OR51I2: variants seen among roughly 807,000 people sequenced by gnomAD.
OR51I2 encodes the protein olfactory receptor family 51 subfamily I member 2, also known as olfactory receptor 51I2.
In OR51I2, 6 loss-of-function variants were observed where a neutral mutation model predicts 9.3. That is an observed-to-expected ratio of 0.64 (90% CI 0.35 to 1.27). The LOEUF (loss-of-function observed/expected upper bound fraction) is 1.27, where lower values mean the gene tolerates loss of function less well. Ranked by LOEUF, OR51I2 falls within the 50% of genes most tolerant of loss-of-function variation. The pLI, the probability that OR51I2 is intolerant of heterozygous loss-of-function variation, is 0.03. For missense variants in OR51I2, 489 were observed against 396.4 expected (o/e 1.23, Z -1.98); for synonymous variants, 179 against 143.1 (o/e 1.25, Z -1.79).
intron 1 of OR51I2, among the ~76,000 whole-genome samples, chr11:5,450,803 A>T (rs1182834474): frequency 3.3e-5 from 5 of 152,190 alleles, no homozygotes; most frequent in Admixed American, 1.3e-4. Flanking sequence ...CCCGCTTATG[A>T]GTGAGAGCAT....
chr11:5,455,557 G>A lies in OR51I2; in HGVS notation c.*1130G>A, dbSNP rs926650026. 20 of 33,678 alleles carry A rather than the reference G, an allele frequency of 5.9e-4. No individual in the cohort carries two copies. Among genetic ancestry groups the A allele is most frequent in the Admixed American group, 3.3e-3 (10 of 3,030 alleles). The allele number at this position is 33,678 out of a possible 1,614,324, so 2.1% of individuals were successfully genotyped here. ...AGAGAGCGAGGGATTGGGGGAGAAA[G>A]AAGGGGGGAGAGAGAGAGAGAAAGA... is the stretch of plus-strand genomic sequence containing the variant. On this transcript the variant is annotated 3_prime_UTR_variant, in exon 2 of 2. Coordinates refer to ENST00000641930, the MANE Select transcript of OR51I2 (RefSeq NM_001004754.3).
Position 5,453,802 on chromosome 11 carries a change from ACTT to A in OR51I2, c.320_322del (p.Phe107del), listed in dbSNP as rs1454142702. On this transcript the variant is annotated inframe_deletion, in exon 2 of 2. Transcript: ENST00000641930. ...TGTCTAATTCAGATGTTTCTTATTC[ACTT>A]CTTCTCCATGATGGAATCAGGTATT... The A allele has an allele frequency of 1.2e-6, 2 of 1,613,914 alleles. No individual in the cohort carries two copies. Among genetic ancestry groups the A allele is most frequent in the Middle Eastern group, 1.6e-4 (1 of 6,084 alleles).
In OR51I2 at chr11:5,454,390, G is replaced by C. The variant is rs144988492; in HGVS notation, c.902G>C (p.Arg301Pro). The change falls in exon 2 of 2, where the codon CGA becomes CCA. Residue 301 changes from arginine to proline, a missense_variant. Physicochemically the swap from Arg to Pro is moderately radical, Grantham distance 103 (BLOSUM62 -2). Coordinates refer to ENST00000641930, the MANE Select transcript of OR51I2 (RefSeq NM_001004754.3). Reference sequence around the variant, plus strand: ...AGCGCCAAGACAAAGGAAATCCGCCGAGCCATTTTCCGCATGTTTCACCAC... The same window carrying C: ...AGCGCCAAGACAAAGGAAATCCGCCCAGCCATTTTCCGCATGTTTCACCAC... Reference protein sequence around the residue: ...IYSAKTKEIRRAIFRMFHHIK... With the variant: ...IYSAKTKEIRPAIFRMFHHIK... The C allele has an allele frequency of 6.2e-7, 1 of 1,610,112 alleles. No individual in the cohort carries two copies.
At chr11:5,451,077 G>A (rs139594800) in intron 1 of OR51I2, among the ~76,000 whole-genome samples, 139 of 152,302 alleles carry the variant, frequency 9.1e-4, no homozygotes, top group African/African-American at 3.1e-3. Flanking sequence ...GAAAATAAAT[G>A]TAAAGTTCCT....
Position 5,454,415 on chromosome 11 carries a change from C to T in OR51I2, c.927C>T (p.His309=), listed in dbSNP as rs1365812731. ...IRRAIFRMFH[H]IKI is the part of the protein sequence containing the mutation. The stretch of plus-strand genomic sequence containing the variant: ...GAGCCATTTTCCGCATGTTTCACCA[C>T]ATCAAAATATGACTTTCACACTTGG... The change falls in exon 2 of 2, where the codon CAC becomes CAT. Residue 309 remains histidine (H), a synonymous_variant. Transcript: ENST00000641930. 19 of 1,605,224 alleles carry T rather than the reference C, an allele frequency of 1.2e-5. No homozygotes were observed. Among genetic ancestry groups the T allele is most frequent in the Non-Finnish European group, 1.4e-5 (17 of 1,178,404 alleles).
At chr11:5,453,207 C>T (rs1282780893) in intron 1 of OR51I2, 52 bp from the exon 2 acceptor site, 1 of 265,782 alleles carries the variant, frequency 3.8e-6, no homozygotes, top group Non-Finnish European at 7.0e-6. Context: ...TTCCTTTTAA[C>T]TAATTTCTAT....
At position 5,455,568 on chromosome 11, in the gene OR51I2, A is replaced by AGAGAGAGAGAGAGAAAGAGAGAG. The variant is rs531763892; in HGVS notation, c.*1151_*1152insGAGAAAGAGAGAGGAGAGAGAGA. The AGAGAGAGAGAGAGAAAGAGAGAG allele has an allele frequency of 7.4e-6, 1 of 135,318 alleles. No individual in the cohort carries two copies. Among genetic ancestry groups the AGAGAGAGAGAGAGAAAGAGAGAG allele is most frequent in the African/African-American group, 2.8e-5 (1 of 35,542 alleles). The allele number at this position is 135,318 out of a possible 1,614,324, so 8.4% of individuals were successfully genotyped here. ...GATTGGGGGAGAAAGAAGGGGGGAG[A>AGAGAGAGAGAGAGAAAGAGAGAG]GAGAGAGAGAAAGAGAAAGAGAGAA... is the stretch of plus-strand genomic sequence containing the variant. On this transcript the variant is annotated 3_prime_UTR_variant, in exon 2 of 2. Transcript: ENST00000641930.
intron 1 of OR51I2, among the ~76,000 whole-genome samples, chr11:5,452,157 T>A (rs12288187): frequency 0.12 from 18,608 of 152,110 alleles, 1,480 homozygotes; most frequent in Admixed American, 0.18. Context: ...ATCCTGCATA[T>A]ATGTCAGTGC....
rs768307813 is a variant in OR51I2, at chr11:5,453,529, T to C, written c.41T>C (p.Leu14Pro). 1.3e-6 allele frequency: 2 copies of C among 1,590,614 alleles called. No individual in the cohort carries two copies. Among genetic ancestry groups the C allele is most frequent in the Non-Finnish European group, 1.7e-6 (2 of 1,170,300 alleles). ...FNVTHPAFFL[L>P]TGIPGLESSH... ...GTCACTCACCCTGCATTCTTCCTCC[T>C]GACTGGTATCCCTGGTCTGGAGAGC... Residue 14 changes from leucine (L) to proline (P), a missense_variant, in exon 2 of 2, where the codon CTG (leucine) becomes CCG (proline). Coordinates refer to ENST00000641930, the MANE Select transcript of OR51I2 (RefSeq NM_001004754.3).
chr11:5,452,290 G>A (rs1240440927), intron 1 of OR51I2, among the ~76,000 whole-genome samples: 2 of 151,906 alleles, frequency 1.3e-5, no homozygotes, highest in Non-Finnish European at 2.9e-5. Context: ...GGATCACGAG[G>A]TCAGGAGATC....
In OR51I2 at chr11:5,454,101, T is replaced by C. The variant is rs190734418; in HGVS notation, c.613T>C (p.Ser205Pro). 94 of 1,614,230 alleles carry C rather than the reference T, an allele frequency of 5.8e-5. No homozygotes were observed. The Admixed American group carries it at 8.3e-4, about 14-fold the overall frequency. Residue 205 changes from serine (S) to proline (P), a missense_variant, in exon 2 of 2, where the codon TCC becomes CCC. Physicochemically the swap from Ser to Pro is moderately conservative, Grantham distance 74. Coordinates refer to ENST00000641930, the MANE Select transcript of OR51I2 (RefSeq NM_001004754.3). Reference sequence around the variant, plus strand: ...CATCTATGGACTCTTTGTTCTTGTATCCACCTTTGGCATGGACCTGTTTTT... The same window carrying C: ...CATCTATGGACTCTTTGTTCTTGTACCCACCTTTGGCATGGACCTGTTTTT... ...NSIYGLFVLV[S>P]TFGMDLFFIF...
At chr11:5,453,150 C>T (rs2030091) in intron 1 of OR51I2, 109 bp from the exon 2 acceptor site, 1 of 179,016 alleles carries the variant, frequency 5.6e-6, no homozygotes, top group Non-Finnish European at 1.2e-5. Flanking sequence ...TCTATTGAAT[C>T]ATGCCTCCAA....
chr11:5,453,514 C>G lies in OR51I2; in HGVS notation c.26C>G (p.Pro9Arg), dbSNP rs779879912. MGLFNVTH[P>R]AFFLLTGIPG... is the part of the protein sequence containing the mutation. ...ATGGGGTTGTTCAATGTCACTCACC[C>G]TGCATTCTTCCTCCTGACTGGTATC... The change falls in exon 2 of 2, where the codon CCT (proline) becomes CGT (arginine). Residue 9 changes from proline to arginine, a missense_variant. Pro to Arg is a moderately radical substitution (Grantham distance 103). Transcript: ENST00000641930. 1.3e-6 allele frequency: 2 copies of G among 1,573,620 alleles called. No homozygotes were observed. The highest frequency in any genetic ancestry group is 3.8e-5 in the Admixed American group (2 of 53,240).
chr11:5,453,908 C>G lies in OR51I2; in HGVS notation c.420C>G (p.Val140=). 1 of 1,614,202 alleles carries G rather than the reference C, an allele frequency of 6.2e-7. No individual in the cohort carries two copies. Among genetic ancestry groups the G allele is most frequent in the Non-Finnish European group, 8.5e-7 (1 of 1,180,036 alleles). Residue 140 remains valine, a synonymous_variant, in exon 2 of 2, where the codon GTC becomes GTG. Transcript: ENST00000641930. ...LRYATVLTTE[V]IAAMGLGAAA... is the part of the protein sequence containing the mutation. ...ATGCAACTGTGCTCACCACTGAAGT[C>G]ATTGCTGCAATGGGTTTAGGTGCAG... is the stretch of plus-strand genomic sequence containing the variant.
intron 1 of OR51I2, among the ~76,000 whole-genome samples, chr11:5,450,074 G>T (rs1268165933): frequency 2.0e-5 from 3 of 152,032 alleles, no homozygotes; most frequent in African/African-American, 4.8e-5. Context: ...AGCCATAAAG[G>T]ATCTCAGAGA....
chr11:5,452,492 G>A (rs569526495), intron 1 of OR51I2, among the ~76,000 whole-genome samples: 31 of 98,806 alleles, frequency 3.1e-4, no homozygotes, highest in Admixed American at 5.0e-4. Flanking sequence ...GCAAAAGAGA[G>A]AGACTCTGTC....
At chr11:5,450,768 G>A (rs1190099374) in intron 1 of OR51I2, among the ~76,000 whole-genome samples, 1 of 152,196 alleles carries the variant, frequency 6.6e-6, no homozygotes, top group East Asian at 1.9e-4. Flanking sequence ...ACCTTGGTAA[G>A]AGAGAAGAGA....
rs1480075440 is a variant in OR51I2, at chr11:5,453,331, C to G, written c.-158C>G. ...GAAAAGGAGTTTGCCTGCATCATCT[C>G]AAAAGCAGTGATTTCATGAATGCGT... On this transcript the variant is annotated 5_prime_UTR_variant, in exon 2 of 2. Transcript: ENST00000641930. 4.1e-6 allele frequency: 2 copies of G among 487,748 alleles called. No individual in the cohort carries two copies. The highest frequency in any genetic ancestry group is 3.9e-5 in the African/African-American group (2 of 50,638). 30.2% of individuals were successfully genotyped at this position (487,748 alleles called of 1,614,324 possible).
In OR51I2 at chr11:5,454,446, G is replaced by C. The variant is rs761256414; in HGVS notation, c.*19G>C. 14 of 1,581,864 alleles carry C rather than the reference G, an allele frequency of 8.9e-6. No individual in the cohort carries two copies. The highest frequency in any genetic ancestry group is 1.1e-5 in the South Asian group (1 of 87,830). ...AATATGACTTTCACACTTGGCTTTA[G>C]AATCTGTTATTTTGGCCATAGGCTC... On this transcript the variant is annotated 3_prime_UTR_variant, in exon 2 of 2. Coordinates refer to ENST00000641930, the MANE Select transcript of OR51I2 (RefSeq NM_001004754.3).
Sources: allele counts gnomAD v4.1 joint callset (sites outside exome capture counted in the v4.1 genomes callset), GRCh38; gene constraint gnomAD v4.1.1; transcripts MANE v1.5; gene names NCBI Gene and HGNC (gene_info 2026-07-23, HGNC 2026-07-21).